TAOK2: variants seen among roughly 807,000 people sequenced by gnomAD.
The protein encoded by TAOK2 is TAO kinase 2, also known as serine/threonine-protein kinase TAO2.
Under a neutral mutation model 122.5 loss-of-function variants are expected in TAOK2, and 42 were observed. That is an observed-to-expected ratio of 0.34 (90% CI 0.27 to 0.44). TAOK2 has a LOEUF of 0.44. Among genes scored for constraint, TAOK2 ranks in the 20% least tolerant of loss-of-function variants. The pLI, the probability that TAOK2 is intolerant of heterozygous loss-of-function variation, is 1.00. For missense variants in TAOK2, 1,264 were observed against 1,644.9 expected, an observed-to-expected ratio of 0.77 and a Z score of 4.01; for synonymous variants, 704 against 677.6, an observed-to-expected ratio of 1.04 and a Z score of -0.61.
At chr16:29,991,555 A>T, downstream of TAOK2, 3 of 1,476,314 alleles carry the variant, frequency 2.0e-6, no homozygotes, top group Non-Finnish European at 2.7e-6. The surrounding 1 kb of genome is among the most constrained non-coding windows in gnomAD (Gnocchi z 5.6). Flanking sequence ...GGTTCTTCCC[A>T]CTTCTATTCC....
chr16:29,991,100 T>C (rs769166831), downstream of TAOK2: 3 of 1,595,640 alleles, frequency 1.9e-6, no homozygotes, highest in African/African-American at 4.0e-5. The surrounding 1 kb of genome is among the most constrained non-coding windows in gnomAD (Gnocchi z 5.6). Flanking sequence ...GAATCCGCAG[T>C]CTGCTTGAGC....
chr16:29,977,700 A>T, intron 1 of TAOK2, 38 bp from the exon 2 acceptor site: 1 of 1,571,896 alleles, frequency 6.4e-7, no homozygotes, highest in Non-Finnish European at 8.6e-7. Context: ...CTGAAGGCTC[A>T]ATCCTTGATC....
At chr16:29,983,889 C>T (rs1346889266) in intron 13 of TAOK2, among the ~76,000 whole-genome samples, 1 of 152,198 alleles carries the variant, frequency 6.6e-6, no homozygotes, top group Admixed American at 6.5e-5. Flanking sequence ...TTGGCAAACT[C>T]TTACTCCGTT....
chr16:29,990,774 T>C, downstream of TAOK2: 1 of 1,598,766 alleles, frequency 6.3e-7, no homozygotes. Context: ...TGGTTGTTCA[T>C]CTTCCCCAGC....
Position 29,985,394 on chromosome 16 carries a change from T to C in TAOK2, c.1604T>C (p.Phe535Ser). The C allele has an allele frequency of 6.2e-7, 1 of 1,609,488 alleles. No individual in the cohort carries two copies. The highest frequency in any genetic ancestry group is 1.1e-5 in the South Asian group (1 of 90,648). The change falls in exon 14 of 16, where the codon TTT (phenylalanine) becomes TCT (serine). Residue 535 changes from phenylalanine to serine, a missense_variant. Transcript: ENST00000308893. This position sits in a 1 kb window ranked among gnomAD's most constrained non-coding sequence, Gnocchi z 6.9. ...QRELEAQRAG[F>S]GAEAEKLARR... ...GAGCTTGAGGCGCAGCGGGCTGGCT[T>C]TGGGGCAGAGGCAGAAAAGCTGGCC...
intron 8 of TAOK2, chr16:29,980,682 T>G (rs923552627): frequency 6.6e-6 from 1 of 152,164 alleles, no homozygotes; most frequent in African/African-American, 2.4e-5. Context: ...GCCCAGACAG[T>G]TGATGAAAAA....
At chr16:29,988,437 G>A (rs1420074732), downstream of TAOK2, 10 of 1,272,356 alleles carry the variant, frequency 7.9e-6, no homozygotes, top group Non-Finnish European at 1.0e-5. Flanking sequence ...TTGTCCTGCC[G>A]CCTAGCCTCC....
chr16:29,981,253 AT>A lies in TAOK2; in HGVS notation c.656-402del, dbSNP rs1017852844. ...TTATACCAGTTAATACTTTGATGTT[AT>A]TTTTTCAGTCCTATTTAATCTTTTA... On this transcript the variant is annotated intron_variant, in intron 8 of 15. Coordinates refer to ENST00000308893, the MANE Select transcript of TAOK2 (RefSeq NM_016151.4). The A allele has an allele frequency of 9.9e-5, 44 of 444,482 alleles. No homozygotes were observed. The Admixed American group carries it at 1.3e-3, about 13-fold the overall frequency. 27.5% of individuals were successfully genotyped at this position (444,482 alleles called of 1,614,324 possible). A position where few individuals can be genotyped will look rare whatever the true frequency, so the allele number is the denominator to read the frequency against.
At position 29,983,629 on chromosome 16, in the gene TAOK2, C is replaced by T. The variant is rs2069690559; in HGVS notation, c.1387C>T (p.Arg463Ter). 6.2e-7 allele frequency: 1 copy of T among 1,613,460 alleles called. No individual in the cohort carries two copies. ...CCGCCGCCGGGCCTACTGCCGTAAC[C>T]GAGACCACTTTGCCACCATCCGAAC... The part of the protein sequence containing the change: ...SARRRAYCRN[R>*]DHFATIRTAS... The change falls in exon 13 of 16, where the codon CGA (arginine) becomes TGA (stop). Residue 463 changes from arginine to a stop codon, truncating the protein, a stop_gained. Transcript: ENST00000308893. LOFTEE classifies it high-confidence loss of function.
At position 29,981,974 on chromosome 16, in the gene TAOK2, C is replaced by CTGTAAGAA. The variant is rs1567242044; in HGVS notation, c.831+38_831+39insAGAATGTA. ...CTGCTGGCCTAGCATTCTCCTGGAA[C>CTGTAAGAA]TGTAGCTTGTTACAGCCACAAGAAC... On this transcript the variant is annotated intron_variant, in intron 10 of 15. Coordinates refer to ENST00000308893, the MANE Select transcript of TAOK2 (RefSeq NM_016151.4). The CTGTAAGAA allele has an allele frequency of 1.9e-6, 3 of 1,562,504 alleles. No individual in the cohort carries two copies. In the Admixed American group the frequency reaches 5.2e-5, roughly 27 times the overall value.
chr16:29,984,778 A>C lies in TAOK2; in HGVS notation c.1423-435A>C, dbSNP rs906715421. Among the ~76,000 whole-genome samples, 5 of 152,292 alleles carry C rather than the reference A, an allele frequency of 3.3e-5. No individual in the cohort carries two copies. In the South Asian group the frequency reaches 6.2e-4, roughly 19 times the overall value. On this transcript the variant is annotated intron_variant, in intron 13 of 15. Coordinates refer to ENST00000308893, the MANE Select transcript of TAOK2 (RefSeq NM_016151.4). ...TGTTTGCTGAAGGGGAAGGAAGCCAACACTTATTAGATAGAGTCCGAACTT... is the reference window on the plus strand; with the variant it reads ...TGTTTGCTGAAGGGGAAGGAAGCCACCACTTATTAGATAGAGTCCGAACTT...
At position 29,986,432 on chromosome 16, in the gene TAOK2, C is replaced by T. The variant is rs375043027; in HGVS notation, c.2160C>T (p.Tyr720=). Residue 720 remains tyrosine (Y), a synonymous_variant, in exon 16 of 16, where the codon TAC becomes TAT. Transcript: ENST00000308893. The surrounding 1 kb of genome is among the most constrained non-coding windows in gnomAD (Gnocchi z 4.2). The part of the protein sequence containing the change: ...HQTELGNQLE[Y]NKRREQELRQ... ...CGGAGCTGGGCAACCAGCTGGAGTA[C>T]AACAAGCGGCGTGAGCAAGAGTTGC... 57 of 1,610,072 alleles carry T rather than the reference C, an allele frequency of 3.5e-5. No homozygotes were observed. The highest frequency in any genetic ancestry group is 4.7e-5 in the Non-Finnish European group (55 of 1,178,074).
chr16:29,980,909 C>T (rs1260406594), intron 8 of TAOK2: 1 of 152,216 alleles, frequency 6.6e-6, no homozygotes, highest in African/African-American at 2.4e-5. Context: ...AGAAAGAGGG[C>T]AGCTAATGCT....
downstream of TAOK2, chr16:29,989,310 G>C (rs1427322510): frequency 1.0e-6 from 1 of 984,860 alleles, no homozygotes; most frequent in Non-Finnish European, 1.2e-6. Context: ...ACGTGCTCTT[G>C]GAACCTCTTG....
downstream of TAOK2, chr16:29,990,887 G>A (rs538383780): frequency 5.6e-6 from 9 of 1,613,672 alleles, no homozygotes; most frequent in Admixed American, 1.7e-5. Context: ...ATCAAGATCC[G>A]CACAGAGAGC....
Position 29,986,981 on chromosome 16 carries a change from A to G in TAOK2, c.2709A>G (p.Glu903=), listed in dbSNP as rs2069819793. The G allele has an allele frequency of 6.2e-7, 1 of 1,613,488 alleles. No homozygotes were observed. The highest frequency in any genetic ancestry group is 8.5e-7 in the Non-Finnish European group (1 of 1,179,618). ...PALTPVPEEE[E]EEEEGAPIGT... ...TGACTCCCGTCCCTGAGGAGGAGGA[A>G]GAAGAGGAAGAGGGGGCTCCGATTG... The change falls in exon 16 of 16, where the codon GAA becomes GAG. Residue 903 remains glutamate, a synonymous_variant. Coordinates refer to ENST00000308893, the MANE Select transcript of TAOK2 (RefSeq NM_016151.4). This position sits in a 1 kb window ranked among gnomAD's most constrained non-coding sequence, Gnocchi z 4.2.
Position 29,983,662 on chromosome 16 carries a change from C to T in TAOK2, c.1420C>T (p.Leu474=). Reference sequence around the variant, plus strand: ...CTTTGCCACCATCCGAACCGCCTCCCTGGTGAGTGTAGCCATCCTCACTCA... The same window carrying T: ...CTTTGCCACCATCCGAACCGCCTCCTTGGTGAGTGTAGCCATCCTCACTCA... ...DHFATIRTAS[L]VSRQIQEHEQ... The change falls in exon 13 of 16, where the codon CTG becomes TTG. Residue 474 remains leucine, a splice_region_variant and synonymous_variant. Coordinates refer to ENST00000308893, the MANE Select transcript of TAOK2 (RefSeq NM_016151.4). The T allele has an allele frequency of 6.2e-7, 1 of 1,610,530 alleles. No individual in the cohort carries two copies. Among genetic ancestry groups the T allele is most frequent in the Non-Finnish European group, 8.5e-7 (1 of 1,179,096 alleles).
At chr16:29,989,254 G>A (rs537419833), downstream of TAOK2, 242 of 985,072 alleles carry the variant, frequency 2.5e-4, no homozygotes, top group Admixed American at 2.0e-3. Flanking sequence ...TCCCTGTCCA[G>A]TAACTCCGAT....
In TAOK2 at chr16:29,986,617, C is replaced by T. The variant is rs2069805567; in HGVS notation, c.2345C>T (p.Ala782Val). Reference protein sequence around the residue: ...EQQPCSPGQEAVLDQRMLGEE... With the variant: ...EQQPCSPGQEVVLDQRMLGEE... Reference sequence around the variant, plus strand: ...CAGCCCTGCTCACCTGGCCAGGAGGCAGTCCTGGACCAAAGAATGCTTGGC... The same window carrying T: ...CAGCCCTGCTCACCTGGCCAGGAGGTAGTCCTGGACCAAAGAATGCTTGGC... Residue 782 changes from alanine to valine, a missense_variant, in exon 16 of 16, where the codon GCA (alanine) becomes GTA (valine). Transcript: ENST00000308893. The surrounding 1 kb of genome is among the most constrained non-coding windows in gnomAD (Gnocchi z 4.2). The T allele has an allele frequency of 1.2e-6, 2 of 1,611,472 alleles. No homozygotes were observed. Among genetic ancestry groups the T allele is most frequent in the South Asian group, 2.2e-5 (2 of 90,772 alleles).
Sources: allele counts gnomAD v4.1 joint callset (sites outside exome capture counted in the v4.1 genomes callset), GRCh38; gene constraint gnomAD v4.1.1; non-coding constraint Gnocchi (gnomAD v3.1); transcripts MANE v1.5; gene names NCBI Gene and HGNC (gene_info 2026-07-23, HGNC 2026-07-21).